SHB: variants seen among roughly 807,000 people sequenced by gnomAD.
SHB encodes SH2 domain-containing adapter protein B.
A neutral mutation model predicts 52.3 loss-of-function variants in SHB; 20 were observed. That is an observed-to-expected ratio of 0.38 (90% CI 0.27 to 0.56). The LOEUF (loss-of-function observed/expected upper bound fraction) is 0.56. Ranked by LOEUF, SHB falls within the 20% of genes least tolerant of loss-of-function variation. The probability of loss-of-function intolerance (pLI) is 0.71; values close to 1 mark genes in which losing one functional copy is unlikely to be tolerated. For synonymous variants in SHB, 397 were observed against 316.5 expected (o/e 1.25, Z -2.70); for missense variants, 825 against 723.3 (o/e 1.14, Z -1.61).
chr9:37,993,798 T>C (rs923582284), intron 2 of SHB, among the ~76,000 whole-genome samples: 3 of 151,918 alleles, frequency 2.0e-5, no homozygotes, highest in African/African-American at 7.3e-5. Context: ...CAGGGAGGAG[T>C]TACCTGAACT....
chr9:37,945,470 G>C (rs1006912966), intron 5 of SHB, among the ~76,000 whole-genome samples: 1 of 152,132 alleles, frequency 6.6e-6, no homozygotes, highest in Non-Finnish European at 1.5e-5. Flanking sequence ...TGGGTTGCCT[G>C]GCTCAGCCAT....
chr9:38,033,551 C>T (rs1821443986), intron 1 of SHB, among the ~76,000 whole-genome samples: 1 of 152,214 alleles, frequency 6.6e-6, no homozygotes, highest in Non-Finnish European at 1.5e-5. Context: ...AATCCAATGC[C>T]CTAGTTGACC....
At chr9:37,979,862 C>T (rs1820702590) in intron 2 of SHB, among the ~76,000 whole-genome samples, 1 of 152,082 alleles carries the variant, frequency 6.6e-6, no homozygotes, top group African/African-American at 2.4e-5. Flanking sequence ...CCAATGCACA[C>T]AAAAGTTATA....
At chr9:38,029,599 T>C (rs1019860962) in intron 1 of SHB, among the ~76,000 whole-genome samples, 109 of 116,636 alleles carry the variant, frequency 9.3e-4, no homozygotes, top group African/African-American at 6.4e-3. Flanking sequence ...CAAGCAATTC[T>C]CTCACCTCTG....
At chr9:38,041,884 A>G (rs1458762595) in intron 1 of SHB, among the ~76,000 whole-genome samples, 1 of 152,218 alleles carries the variant, frequency 6.6e-6, no homozygotes, top group Admixed American at 6.5e-5. Context: ...TACTTTTTAA[A>G]TAGTGCTTTG....
chr9:37,973,501 G>GC (rs1260039368), intron 3 of SHB, among the ~76,000 whole-genome samples: 3 of 152,232 alleles, frequency 2.0e-5, no homozygotes, highest in African/African-American at 7.2e-5. Context: ...AGGACTACAG[G>GC]CGTGAGCCAC....
intron 1 of SHB, among the ~76,000 whole-genome samples, chr9:38,062,772 G>A (rs941010898): frequency 1.3e-5 from 2 of 152,192 alleles, no homozygotes; most frequent in Non-Finnish European, 2.9e-5. Flanking sequence ...TTTAAAGCAG[G>A]GGTTGGAAGC....
chr9:37,920,331 A>AAAACT (rs1554697021), intron 5 of SHB, among the ~76,000 whole-genome samples: 9 of 130,746 alleles, frequency 6.9e-5, no homozygotes, highest in South Asian at 2.6e-4. Flanking sequence ...AAAACAAAAC[A>AAAACT]AAACTTAGTC....
At chr9:37,921,133 C>T (rs765867351) in intron 5 of SHB, among the ~76,000 whole-genome samples, 1 of 152,172 alleles carries the variant, frequency 6.6e-6, no homozygotes, top group African/African-American at 2.4e-5. Context: ...TGCCACCAGA[C>T]GTGTGGATGC....
intron 3 of SHB, among the ~76,000 whole-genome samples, chr9:37,967,581 T>C (rs7023815): frequency 0.58 from 88,484 of 152,008 alleles, 26,032 homozygotes; most frequent in East Asian, 0.82. Flanking sequence ...CCTAACTCTA[T>C]CCCAACCCCA....
chr9:37,957,117 G>A (rs533313773), intron 3 of SHB, among the ~76,000 whole-genome samples: 3 of 152,250 alleles, frequency 2.0e-5, no homozygotes, highest in South Asian at 4.2e-4. Flanking sequence ...ATACTCCAGC[G>A]CCTGACACAC....
At chr9:38,009,083 G>A (rs942445510) in intron 2 of SHB, among the ~76,000 whole-genome samples, 2 of 152,210 alleles carry the variant, frequency 1.3e-5, no homozygotes, top group African/African-American at 4.8e-5. Flanking sequence ...GGTGGCCAGA[G>A]GCAGCTTCTC....
chr9:38,055,947 A>T lies in SHB; in HGVS notation c.717+11982T>A, dbSNP rs147515320. 2.0e-5 allele frequency among the ~76,000 whole-genome samples: 3 copies of T among 152,300 alleles called. No individual in the cohort carries two copies. In the East Asian group the frequency reaches 5.8e-4, roughly 29 times the overall value. ...TCCCACACACCACAGCAGGTTTGGC[A>T]TTCTGCTGTGGTGGGTAAAGATGAA... is the stretch of plus-strand genomic sequence containing the variant. On this transcript the variant is annotated intron_variant, in intron 1 of 5. Transcript: ENST00000377707.
intron 2 of SHB, among the ~76,000 whole-genome samples, chr9:37,992,429 A>AT (rs1233563175): frequency 2.0e-5 from 3 of 152,164 alleles, no homozygotes; most frequent in African/African-American, 7.2e-5. Context: ...AAATAAATAA[A>AT]AACCTGGTCC....
chr9:37,978,248 G>T (rs1222162462), intron 2 of SHB, among the ~76,000 whole-genome samples: 1 of 152,236 alleles, frequency 6.6e-6, no homozygotes. Flanking sequence ...GAGGACTTGT[G>T]CATACACCTC....
intron 5 of SHB, among the ~76,000 whole-genome samples, chr9:37,927,922 T>C (rs1229943886): frequency 6.6e-6 from 1 of 151,662 alleles, no homozygotes; most frequent in East Asian, 1.9e-4. Context: ...AGGGCTTCTT[T>C]CTTTCCTTCC....
intron 1 of SHB, among the ~76,000 whole-genome samples, chr9:38,042,827 CCCAGG>C (rs756146275): frequency 6.6e-6 from 1 of 152,176 alleles, no homozygotes; most frequent in Non-Finnish European, 1.5e-5. Flanking sequence ...AAATGTCCGC[CCCAGG>C]CCAGGCCAGG....
intron 1 of SHB, among the ~76,000 whole-genome samples, chr9:38,035,127 G>C (rs1327759433): frequency 6.6e-6 from 1 of 152,036 alleles, no homozygotes; most frequent in Non-Finnish European, 1.5e-5. Flanking sequence ...TATCTGTTGG[G>C]GGCATGCAAG....
intron 5 of SHB, among the ~76,000 whole-genome samples, chr9:37,938,489 G>GGAAA (rs2117860564): frequency 6.6e-6 from 1 of 152,340 alleles, no homozygotes; most frequent in African/African-American, 2.4e-5. Context: ...AAATGTGATT[G>GGAAA]GAAAGAAATG....
Sources: allele counts gnomAD v4.1 joint callset (sites outside exome capture counted in the v4.1 genomes callset), GRCh38; gene constraint gnomAD v4.1.1; transcripts MANE v1.5; gene names NCBI Gene and HGNC (gene_info 2026-07-23, HGNC 2026-07-21).